The following DCLRE1C variants were observed in gnomAD, a reference collection of about 807,000 sequenced individuals.
DCLRE1C encodes DNA cross-link repair 1C, also known as protein artemis.
In DCLRE1C, 47 loss-of-function variants were observed where a neutral mutation model predicts 61.4. That is an observed-to-expected ratio of 0.77 (90% CI 0.61 to 0.98). The LOEUF is 0.98. DCLRE1C is among the 50% of genes least tolerant of loss of function. DCLRE1C has a pLI of 0.00. For synonymous variants in DCLRE1C, 337 were observed against 287.6 expected (o/e 1.17, Z -1.74); for missense variants, 858 against 816.0 (o/e 1.05, Z -0.63).
chr10:14,943,616 G>A (rs1274884476), intron 3 of DCLRE1C, among the ~76,000 whole-genome samples: 7 of 152,114 alleles, frequency 4.6e-5, no homozygotes, highest in East Asian at 1.9e-4. Context: ...GTAGTGGCAC[G>A]ATCTCAGCTC....
Position 14,934,415 on chromosome 10 carries a change from G to T in DCLRE1C, c.643C>A (p.Leu215Met). ...NCKAAYGYEYLFTNLSEELGV... is the reference protein window; with the variant it reads ...NCKAAYGYEYMFTNLSEELGV... ...AATTCTTCACTAAGGTTGGTGAACA[G>T]ATATTCATAGCCATAAGCCGCTTTG... The change falls in exon 8 of 14, where the codon CTG (leucine) becomes ATG (methionine). Residue 215 changes from leucine (L) to methionine (M), a missense_variant. By Grantham distance (15) the Leu-to-Met change is conservative. Around this residue, in one of 2 missense-constraint regions of DCLRE1C, gnomAD observed 843 missense variants for 783.5 expected, o/e 1.08. Transcript: ENST00000378278. 6.2e-7 allele frequency: 1 copy of T among 1,613,740 alleles called. No individual in the cohort carries two copies. The highest frequency in any genetic ancestry group is 1.7e-4 in the Middle Eastern group (1 of 6,060).
At position 14,928,032 on chromosome 10, in the gene DCLRE1C, T is replaced by G. The variant is rs534330466; in HGVS notation, c.901A>C (p.Thr301Pro). 6 of 1,613,902 alleles carry G rather than the reference T, an allele frequency of 3.7e-6. No individual in the cohort carries two copies. The African/African-American group carries it at 6.7e-5, about 18-fold the overall frequency. ...CTCTCTTACCTCACAATTACATTTG[T>G]TTTTCTGCTCCTTTCTCCAAACCAC... ...TMWFGERSRK[T>P]NVIVRTGESS... is the part of the protein sequence containing the mutation. Residue 301 changes from threonine to proline, a missense_variant, in exon 10 of 14, where the codon ACA (threonine) becomes CCA (proline). Around this residue, in one of 2 missense-constraint regions of DCLRE1C, gnomAD observed 843 missense variants for 783.5 expected, o/e 1.08. Coordinates refer to ENST00000378278, the MANE Select transcript of DCLRE1C (RefSeq NM_001033855.3).
rs1453139128 is a variant in DCLRE1C at position 14,905,207 on chromosome 10, A to G, written c.*3201T>C. On this transcript the variant is annotated 3_prime_UTR_variant, in exon 14 of 14. Transcript: ENST00000378278. ...CCTTTTAAGATAGCTTTCATGGTTC[A>G]TGCATTTGATACTACACTTGATCTT... Among the ~76,000 whole-genome samples the G allele has an allele frequency of 6.6e-6, 1 of 152,256 alleles. No individual in the cohort carries two copies. Among genetic ancestry groups the G allele is most frequent in the Non-Finnish European group, 1.5e-5 (1 of 68,042 alleles).
At chr10:14,915,230 C>G (rs79524660) in intron 13 of DCLRE1C, among the ~76,000 whole-genome samples, 1,776 of 151,846 alleles carry the variant, frequency 0.012, 41 homozygotes, top group African/African-American at 0.041. Context: ...TATTAAGAAA[C>G]TTAAAAATGA....
At chr10:14,934,356 G>C (rs776457798) in intron 8 of DCLRE1C, 24 bp downstream of exon 8, 1 of 1,581,004 alleles carries the variant, frequency 6.3e-7, no homozygotes, top group Non-Finnish European at 8.6e-7. Flanking sequence ...AAAAAGAAAA[G>C]AAAAGAATGA....
chr10:14,953,855 C>T, intron 1 of DCLRE1C, 47 bp downstream of exon 1: 1 of 1,610,586 alleles, frequency 6.2e-7, no homozygotes, highest in South Asian at 1.1e-5. Context: ...TGTCCTCTCT[C>T]CAGCCCCCAG....
chr10:14,938,539 C>G (rs1840353491), intron 4 of DCLRE1C, among the ~76,000 whole-genome samples: 1 of 152,000 alleles, frequency 6.6e-6, no homozygotes, highest in Non-Finnish European at 1.5e-5. Context: ...TATAATCAAG[C>G]AACAAAGCCA....
At chr10:14,901,091 T>C (rs752819993), downstream of DCLRE1C, 4 of 1,606,878 alleles carry the variant, frequency 2.5e-6, no homozygotes, top group East Asian at 9.0e-5. Flanking sequence ...AGGGCTTGTT[T>C]ACACCGTTTG....
At position 14,925,439 on chromosome 10, in the gene DCLRE1C, CTATAAAT is replaced by C. The variant is rs41298924; in HGVS notation, c.972+1397_972+1403del. Among the ~76,000 whole-genome samples the C allele has an allele frequency of 8.2e-3, 1,251 of 152,214 alleles. 23 individuals are homozygous for C. Among genetic ancestry groups the C allele is most frequent in the African/African-American group, 0.028 (1,175 of 41,538 alleles). On this transcript the variant is annotated intron_variant, in intron 11 of 13. Coordinates refer to ENST00000378278, the MANE Select transcript of DCLRE1C (RefSeq NM_001033855.3). ...TCTCTTTATTCACAGTAGTTATACTCTATAAATTATAGTCACCATAAATGCTGAATTA... is the reference window on the plus strand; with the variant it reads ...TCTCTTTATTCACAGTAGTTATACTCTATAGTCACCATAAATGCTGAATTA...
chr10:14,910,904 C>T (rs1835152494), intron 13 of DCLRE1C, among the ~76,000 whole-genome samples: 1 of 152,182 alleles, frequency 6.6e-6, no homozygotes, highest in African/African-American at 2.4e-5. Flanking sequence ...CTATGATTGC[C>T]TGACTCCCTG....
intron 3 of DCLRE1C, among the ~76,000 whole-genome samples, chr10:14,943,132 A>G (rs1027781483): frequency 6.7e-6 from 1 of 149,212 alleles, no homozygotes; most frequent in Non-Finnish European, 1.5e-5. Flanking sequence ...CAAAAAAAGG[A>G]AAAAAAAAAG....
At chr10:14,934,186 G>A (rs1367826037) in intron 8 of DCLRE1C, among the ~76,000 whole-genome samples, 194 bp downstream of exon 8, 1 of 151,990 alleles carries the variant, frequency 6.6e-6, no homozygotes, top group Non-Finnish European at 1.5e-5. Flanking sequence ...AAATTAGCTA[G>A]GCATGGTGGC....
chr10:14,902,915 A>C (rs910097394), downstream of DCLRE1C: 2 of 154,298 alleles, frequency 1.3e-5, no homozygotes, highest in African/African-American at 2.4e-5. Flanking sequence ...TAATTTGGGC[A>C]AATCTACAGT....
In DCLRE1C at chr10:14,908,957, G is replaced by A; in HGVS notation, c.1530C>T (p.Ser510=). The A allele has an allele frequency of 6.2e-7, 1 of 1,614,104 alleles. No homozygotes were observed. Among genetic ancestry groups the A allele is most frequent in the South Asian group, 1.1e-5 (1 of 91,072 alleles). ...TDESLENFPS[S]TVAGGSQSPK... is the part of the protein sequence containing the mutation. ...GTGACTGAGATCCCCCTGCCACTGTGGAGGAAGGGAAGTTTTCCAAACTCT... is the reference window on the plus strand; with the variant it reads ...GTGACTGAGATCCCCCTGCCACTGTAGAGGAAGGGAAGTTTTCCAAACTCT... The change falls in exon 14 of 14, where the codon TCC becomes TCT. Residue 510 remains serine (S), a synonymous_variant. Coordinates refer to ENST00000378278, the MANE Select transcript of DCLRE1C (RefSeq NM_001033855.3).
chr10:14,922,931 C>T (rs764239336), intron 12 of DCLRE1C, 50 bp downstream of exon 12: 45 of 1,330,380 alleles, frequency 3.4e-5, no homozygotes, highest in Middle Eastern at 3.6e-4. Context: ...TGTGTCCTAG[C>T]CAAGAGCCAC....
At chr10:14,902,452 A>T, downstream of DCLRE1C, 1 of 1,610,944 alleles carries the variant, frequency 6.2e-7, no homozygotes, top group Non-Finnish European at 8.5e-7. Context: ...GCCCAGCCAA[A>T]AAGAGGGTCA....
Position 14,948,445 on chromosome 10 carries a change from A to G in DCLRE1C, c.161+591T>C, listed in dbSNP as rs550865822. Among the ~76,000 whole-genome samples, 4 of 152,320 alleles carry G rather than the reference A, an allele frequency of 2.6e-5. No individual in the cohort carries two copies. In the East Asian group the frequency reaches 7.7e-4, roughly 29 times the overall value. On this transcript the variant is annotated intron_variant, in intron 2 of 13. Coordinates refer to ENST00000378278, the MANE Select transcript of DCLRE1C (RefSeq NM_001033855.3). ...GCTTTAAGAAAAAATCCAGTATTAT[A>G]TGATCCTTTACAATGGAACAGCCAT...
In DCLRE1C at chr10:14,909,046, T is replaced by C. The variant is rs1399962541; in HGVS notation, c.1441A>G (p.Lys481Glu). 6.2e-7 allele frequency: 1 copy of C among 1,614,182 alleles called. No individual in the cohort carries two copies. The highest frequency in any genetic ancestry group is 1.1e-5 in the South Asian group (1 of 91,084). The change falls in exon 14 of 14, where the codon AAG (lysine) becomes GAG (glutamate). Residue 481 changes from lysine (K) to glutamate (E), a missense_variant. Physicochemically the swap from Lys to Glu is moderately conservative, Grantham distance 56. This residue lies in a region of DCLRE1C where 843 missense variants were observed against 783.5 expected (regional missense o/e 1.08). Transcript: ENST00000378278. ...CACTGGGGTACATCCCCATCAGCCT[T>C]TTGCAGGTGAAGTACAGAGCCCAGA... ...GDLGSVLHLQ[K>E]ADGDVPQWEV... is the part of the protein sequence containing the mutation.
At chr10:14,913,210 C>G (rs1213138866) in intron 13 of DCLRE1C, among the ~76,000 whole-genome samples, 1 of 152,210 alleles carries the variant, frequency 6.6e-6, no homozygotes, top group Non-Finnish European at 1.5e-5. Context: ...AGAGACAAAC[C>G]ATAGATTAGT....
Sources: gnomAD v4.1 joint callset for allele counts (sites outside exome capture counted in the v4.1 genomes callset) on GRCh38, gnomAD v4.1.1 for gene constraint, gnomAD v4.1.1 regional missense constraint, MANE v1.5 for transcripts, NCBI Gene and HGNC (gene_info 2026-07-23, HGNC 2026-07-21) for gene names.